The following VIT variants were observed in gnomAD, a reference collection of about 807,000 sequenced individuals.
VIT encodes the protein vitrin.
In VIT, 99 loss-of-function variants were observed where a neutral mutation model predicts 78.0. The observed-to-expected ratio is 1.27, with a 90% confidence interval of 1.08 to 1.50. The LOEUF is 1.50. Among genes scored for constraint, VIT ranks in the 40% most tolerant of loss-of-function variants. VIT has a pLI of 0.00. For missense variants in VIT, 1,126 were observed against 875.3 expected, an observed-to-expected ratio of 1.29 and a Z score of -3.61; for synonymous variants, 374 against 334.3, an observed-to-expected ratio of 1.12 and a Z score of -1.29.
In VIT at chr2:36,801,457, A is replaced by C. The variant is rs113261898; in HGVS notation, c.1162+53A>C. ...ATCTTGCTACCATCGTTCTCTTTCT[A>C]CGTGATTGTCTTCTAACCATTCTAT... On this transcript the variant is annotated intron_variant, in intron 13 of 15. Coordinates refer to ENST00000379242, the MANE Select transcript of VIT (RefSeq NM_053276.4). 5,347 of 1,438,444 alleles carry C rather than the reference A, an allele frequency of 3.7e-3. 170 individuals carry two copies. The African/African-American group carries it at 0.065, about 17-fold the overall frequency. 89.1% of individuals were successfully genotyped at this position (1,438,444 alleles called of 1,614,324 possible). A position where few individuals can be genotyped will look rare whatever the true frequency, so the allele number is the denominator to read the frequency against.
Position 36,808,824 on chromosome 2 carries a change from G to T in VIT, c.1742G>T (p.Gly581Val). ...ATCCTCAACGCCATCAAGAGGGTGG[G>T]CTACTGGAGTGGTGGCACCAGCACG... Reference protein sequence around the residue: ...PDILNAIKRVGYWSGGTSTGA... With the variant: ...PDILNAIKRVVYWSGGTSTGA... Residue 581 changes from glycine to valine, a missense_variant, in exon 15 of 16, where the codon GGC (glycine) becomes GTC (valine). By Grantham distance (109) the Gly-to-Val change is moderately radical. Transcript: ENST00000379242. 1 of 1,614,200 alleles carries T rather than the reference G, an allele frequency of 6.2e-7. No individual in the cohort carries two copies. Among genetic ancestry groups the T allele is most frequent in the Non-Finnish European group, 8.5e-7 (1 of 1,180,030 alleles).
intron 2 of VIT, among the ~76,000 whole-genome samples, chr2:36,727,240 G>A (rs1666911772): frequency 6.6e-6 from 1 of 152,118 alleles, no homozygotes; most frequent in South Asian, 2.1e-4. Context: ...TCTCTTCTGA[G>A]GCTTTTTTTA....
At chr2:36,707,257 A>G (rs563873018) in intron 1 of VIT, among the ~76,000 whole-genome samples, 131 of 152,024 alleles carry the variant, frequency 8.6e-4, no homozygotes, top group African/African-American at 3.1e-3. Context: ...CATAGCTCTG[A>G]CTCATTTCTC....
At chr2:36,799,509 G>A (rs567829172) in intron 12 of VIT, among the ~76,000 whole-genome samples, 37 of 152,092 alleles carry the variant, frequency 2.4e-4, no homozygotes, top group Non-Finnish European at 5.0e-4. Flanking sequence ...TTGAGTCCAC[G>A]CTTTTAAGAC....
chr2:36,768,737 A>G (rs1669586034), intron 7 of VIT, among the ~76,000 whole-genome samples: 1 of 152,206 alleles, frequency 6.6e-6, no homozygotes, highest in Non-Finnish European at 1.5e-5. Context: ...CAGGCAGAGC[A>G]CATTTTGGCA....
At chr2:36,812,652 A>G (rs1384165653) in intron 15 of VIT, among the ~76,000 whole-genome samples, 1 of 152,052 alleles carries the variant, frequency 6.6e-6, no homozygotes, top group Non-Finnish European at 1.5e-5. Flanking sequence ...CCCTATAAAT[A>G]AAACATTTTC....
At position 36,808,547 on chromosome 2, in the gene VIT, C is replaced by G. The variant is rs1265579527; in HGVS notation, c.1465C>G (p.Leu489Val). 1.2e-6 allele frequency: 2 copies of G among 1,614,130 alleles called. No individual in the cohort carries two copies. The highest frequency in any genetic ancestry group is 1.7e-6 in the Non-Finnish European group (2 of 1,180,036). ...TGGCCTCCACAAGACCCTGCAGCCTCTGGTGAAGCGGGTCTGCGACACTGA... is the reference window on the plus strand; with the variant it reads ...TGGCCTCCACAAGACCCTGCAGCCTGTGGTGAAGCGGGTCTGCGACACTGA... ...WFGLHKTLQP[L>V]VKRVCDTDRL... The change falls in exon 15 of 16, where the codon CTG becomes GTG. Residue 489 changes from leucine to valine, a missense_variant. Physicochemically the swap from Leu to Val is conservative, Grantham distance 32. Transcript: ENST00000379242.
intron 5 of VIT, among the ~76,000 whole-genome samples, chr2:36,757,590 G>C (rs1668846542): frequency 6.6e-6 from 1 of 152,210 alleles, no homozygotes; most frequent in Non-Finnish European, 1.5e-5. Flanking sequence ...ATTGTCATTT[G>C]GAGCAGGCCT....
At chr2:36,740,260 C>T (rs1471415057) in intron 3 of VIT, among the ~76,000 whole-genome samples, 2 of 152,132 alleles carry the variant, frequency 1.3e-5, no homozygotes, top group Admixed American at 1.3e-4. Flanking sequence ...GGCCAACATC[C>T]GTTTCATCTG....
At chr2:36,804,054 C>A (rs1459331478) in intron 13 of VIT, among the ~76,000 whole-genome samples, 1 of 152,200 alleles carries the variant, frequency 6.6e-6, no homozygotes, top group East Asian at 1.9e-4. Context: ...CAAACTGAGA[C>A]AATTGGTCAT....
intron 13 of VIT, among the ~76,000 whole-genome samples, chr2:36,802,040 T>A (rs73927073): frequency 0.028 from 4,259 of 152,282 alleles, 173 homozygotes; most frequent in African/African-American, 0.097. Context: ...GAGAATCTTG[T>A]TCCAATCAAC....
intron 2 of VIT, among the ~76,000 whole-genome samples, chr2:36,722,572 G>C (rs1458976301): frequency 6.6e-6 from 1 of 152,184 alleles, no homozygotes; most frequent in Non-Finnish European, 1.5e-5. Flanking sequence ...TATGTTTAAA[G>C]GATCTGCTTT....
intron 1 of VIT, among the ~76,000 whole-genome samples, chr2:36,699,637 G>T (rs1664916465): frequency 6.6e-6 from 1 of 150,814 alleles, no homozygotes; most frequent in Admixed American, 6.6e-5. Context: ...TAGATAGATA[G>T]ATAGATAGAT....
intron 14 of VIT, among the ~76,000 whole-genome samples, chr2:36,807,497 G>A (rs1207515275): frequency 6.6e-6 from 1 of 152,210 alleles, no homozygotes; most frequent in African/African-American, 2.4e-5. Flanking sequence ...TCCACGGAAA[G>A]TTTTGTGAAC....
At chr2:36,795,766 G>A (rs4670615) in intron 12 of VIT, among the ~76,000 whole-genome samples, 93,245 of 151,922 alleles carry the variant, frequency 0.61, 29,403 homozygotes, top group East Asian at 0.81. Flanking sequence ...TTAGTGCCAC[G>A]TTTTTTACAT....
chr2:36,718,332 G>A (rs903648068), intron 2 of VIT, among the ~76,000 whole-genome samples: 2 of 152,134 alleles, frequency 1.3e-5, no homozygotes, highest in Non-Finnish European at 2.9e-5. Context: ...GAAGGCAAGG[G>A]GGCTCCAGGC....
intron 12 of VIT, among the ~76,000 whole-genome samples, chr2:36,798,281 C>T (rs1173238752): frequency 6.6e-6 from 1 of 152,100 alleles, no homozygotes; most frequent in East Asian, 1.9e-4. Flanking sequence ...GAGACCAACA[C>T]AGGGATTCTT....
chr2:36,761,017 C>T (rs757700317), intron 6 of VIT, among the ~76,000 whole-genome samples: 1 of 152,134 alleles, frequency 6.6e-6, no homozygotes, highest in African/African-American at 2.4e-5. Flanking sequence ...AAGCCCCCAA[C>T]TTCAGGGACC....
intron 9 of VIT, among the ~76,000 whole-genome samples, chr2:36,776,821 T>G (rs1323154844): frequency 6.6e-6 from 1 of 150,780 alleles, no homozygotes; most frequent in East Asian, 2.0e-4. Context: ...CCTGGCGCGG[T>G]GGCTCACACC....
Sources: gnomAD v4.1 joint callset for allele counts (sites outside exome capture counted in the v4.1 genomes callset) on GRCh38, gnomAD v4.1.1 for gene constraint, MANE v1.5 for transcripts, NCBI Gene and HGNC (gene_info 2026-07-23, HGNC 2026-07-21) for gene names.